MAF: variants seen among roughly 807,000 people sequenced by gnomAD.
MAF encodes MAF bZIP transcription factor, also known as transcription factor Maf.
A neutral mutation model predicts 22.0 loss-of-function variants in MAF; 10 were observed. The observed-to-expected ratio is 0.45, with a 90% CI of 0.28 to 0.77. The LOEUF is 0.77. Ranked by LOEUF, MAF falls within the 30% of genes least tolerant of loss-of-function variation. MAF has a pLI of 0.12. For missense variants in MAF, 544 were observed against 548.4 expected (o/e 0.99, Z 0.08); for synonymous variants, 337 against 255.8 (o/e 1.32, Z -3.03).
chr16:79,505,615 G>A, the MAF span: 1 of 152,252 alleles, frequency 6.6e-6, no homozygotes, highest in African/African-American at 2.4e-5. Flanking sequence ...AGGGCCCGAG[G>A]GATGCATCAC....
At chr16:79,206,129 A>G in the MAF span, 1 of 151,040 alleles carries the variant, frequency 6.6e-6, no homozygotes, top group African/African-American at 2.5e-5. Flanking sequence ...AAATCAATGG[A>G]AAAAAAAATC....
chr16:79,522,862 T>C, the MAF span, among the ~76,000 whole-genome samples: 4 of 152,230 alleles, frequency 2.6e-5, no homozygotes, highest in African/African-American at 9.6e-5. Context: ...ACTTGTTTCA[T>C]GAACACCATG....
chr16:79,510,661 G>A, the MAF span, among the ~76,000 whole-genome samples: 1 of 152,156 alleles, frequency 6.6e-6, no homozygotes, highest in Admixed American at 6.5e-5. Flanking sequence ...CACACAATAG[G>A]GACAGCTTCA....
chr16:79,261,303 C>A, the MAF span, among the ~76,000 whole-genome samples: 1 of 152,088 alleles, frequency 6.6e-6, no homozygotes, highest in East Asian at 1.9e-4. Context: ...CAGGCACCTG[C>A]CACCACGCCC....
At chr16:79,224,168 G>C in the MAF span, among the ~76,000 whole-genome samples, 9 of 152,184 alleles carry the variant, frequency 5.9e-5, no homozygotes, top group African/African-American at 2.2e-4. Context: ...CACCACGATC[G>C]AGTCAGTTTT....
the MAF span, among the ~76,000 whole-genome samples, chr16:79,335,505 C>T: frequency 6.6e-6 from 1 of 152,134 alleles, no homozygotes; most frequent in African/African-American, 2.4e-5. Flanking sequence ...TCCAGTGTGT[C>T]CTACAGAAAT....
At chr16:79,482,061 G>A in the MAF span, among the ~76,000 whole-genome samples, 1 of 152,112 alleles carries the variant, frequency 6.6e-6, no homozygotes, top group African/African-American at 2.4e-5. Flanking sequence ...TCGGGGGCAG[G>A]CAAGAAAAGA....
the MAF span, among the ~76,000 whole-genome samples, chr16:79,549,617 C>A: frequency 1.3e-5 from 2 of 152,168 alleles, no homozygotes; most frequent in East Asian, 1.9e-4. Flanking sequence ...TGGAAACCTC[C>A]CTTTCGGATA....
the MAF span, among the ~76,000 whole-genome samples, chr16:79,472,883 G>A: frequency 6.6e-6 from 1 of 151,990 alleles, no homozygotes; most frequent in Admixed American, 6.6e-5. Context: ...ATGAGTTCCT[G>A]TCCTGGAGAG....
the MAF span, among the ~76,000 whole-genome samples, chr16:79,241,464 G>A: frequency 6.6e-5 from 10 of 152,064 alleles, no homozygotes; most frequent in African/African-American, 2.2e-4. Flanking sequence ...TTAACTTACT[G>A]AAATAAAGTG....
chr16:79,343,354 C>G, the MAF span, among the ~76,000 whole-genome samples: 1 of 152,054 alleles, frequency 6.6e-6, no homozygotes, highest in Non-Finnish European at 1.5e-5. Context: ...ACTTGAGCAT[C>G]TAGACTGTGA....
the MAF span, among the ~76,000 whole-genome samples, chr16:79,402,238 C>A: frequency 6.6e-6 from 1 of 152,184 alleles, no homozygotes; most frequent in African/African-American, 2.4e-5. Context: ...TAAATAAGAT[C>A]ATGAGCATTT....
At chr16:79,497,777 G>A in the MAF span, among the ~76,000 whole-genome samples, 2 of 152,230 alleles carry the variant, frequency 1.3e-5, no homozygotes, top group African/African-American at 2.4e-5. Context: ...CAAGGAAGGA[G>A]AAAAGAGGAA....
chr16:79,344,889 C>T, the MAF span, among the ~76,000 whole-genome samples: 1 of 152,152 alleles, frequency 6.6e-6, no homozygotes, highest in Non-Finnish European at 1.5e-5. Context: ...AGAGGCAAAT[C>T]CTCATAACTT....
At chr16:79,467,915 A>G in the MAF span, among the ~76,000 whole-genome samples, 86 of 145,718 alleles carry the variant, frequency 5.9e-4, 1 homozygote, top group African/African-American at 2.1e-3. Flanking sequence ...AAGTAAGTGC[A>G]TGATGCTTTG....
At chr16:79,279,026 C>T in the MAF span, among the ~76,000 whole-genome samples, 1 of 152,158 alleles carries the variant, frequency 6.6e-6, no homozygotes, top group African/African-American at 2.4e-5. Flanking sequence ...TTCCTATTTT[C>T]TGGGGGAATA....
the MAF span, among the ~76,000 whole-genome samples, chr16:79,316,304 G>A: frequency 2.0e-5 from 3 of 152,314 alleles, no homozygotes; most frequent in African/African-American, 7.2e-5. Context: ...AGAACTTTCA[G>A]CTTGTGCAAT....
At chr16:79,235,599 T>A in the MAF span, among the ~76,000 whole-genome samples, 1,457 of 152,072 alleles carry the variant, frequency 9.6e-3, 29 homozygotes, top group African/African-American at 0.033. Flanking sequence ...ATTCTCACTA[T>A]GGGTCTTGAT....
the MAF span, among the ~76,000 whole-genome samples, chr16:79,502,825 A>G: frequency 5.4e-5 from 8 of 147,466 alleles, no homozygotes; most frequent in Non-Finnish European, 7.4e-5. Flanking sequence ...AAAAAACCCA[A>G]GGGAACTCTG....
Sources: allele counts gnomAD v4.1 joint callset (sites outside exome capture counted in the v4.1 genomes callset), GRCh38; gene constraint gnomAD v4.1.1; transcripts MANE v1.5; gene names NCBI Gene and HGNC (gene_info 2026-07-23, HGNC 2026-07-21).